Variants in SLC2A13 observed in about 807,000 individuals in gnomAD.
SLC2A13 encodes proton myo-inositol cotransporter.
Under a neutral mutation model 64.4 loss-of-function variants are expected in SLC2A13, and 32 were observed. The observed-to-expected ratio is 0.50, with a 90% CI of 0.37 to 0.67. The LOEUF is 0.67. SLC2A13 is among the 30% of genes least tolerant of loss of function. SLC2A13 has a pLI of 0.00. For missense variants in SLC2A13, 743 were observed against 829.2 expected, an observed-to-expected ratio of 0.90 and a Z score of 1.28; for synonymous variants, 338 against 327.1, an observed-to-expected ratio of 1.03 and a Z score of -0.36.
chr12:39,791,233 A>T (rs550278322), intron 7 of SLC2A13, among the ~76,000 whole-genome samples: 1 of 147,774 alleles, frequency 6.8e-6, no homozygotes, highest in Admixed American at 6.8e-5. Context: ...TCAAAATAAT[A>T]AGAGCTATCT....
intron 4 of SLC2A13, among the ~76,000 whole-genome samples, chr12:39,896,475 T>C (rs559829038): frequency 3.4e-5 from 5 of 146,238 alleles, no homozygotes; most frequent in Non-Finnish European, 6.0e-5. Flanking sequence ...TACATATATG[T>C]ATATGTGTAT....
chr12:40,056,928 C>T (rs1592045858), intron 1 of SLC2A13, among the ~76,000 whole-genome samples: 4 of 151,618 alleles, frequency 2.6e-5, no homozygotes, highest in South Asian at 2.1e-4. Context: ...TGCAGTGAGT[C>T]GAGATCGCGC....
At chr12:39,976,170 G>A (rs1467655414) in intron 3 of SLC2A13, among the ~76,000 whole-genome samples, 1 of 152,174 alleles carries the variant, frequency 6.6e-6, no homozygotes, top group African/African-American at 2.4e-5. Context: ...GCAAGTTCAA[G>A]GACATAGCTG....
chr12:39,925,894 T>C (rs761034619), intron 4 of SLC2A13, among the ~76,000 whole-genome samples: 1 of 152,176 alleles, frequency 6.6e-6, no homozygotes, highest in Non-Finnish European at 1.5e-5. Flanking sequence ...TAATATAAAA[T>C]AAACAATTTT....
At chr12:40,095,006 A>C (rs971743450) in intron 1 of SLC2A13, among the ~76,000 whole-genome samples, 1 of 152,196 alleles carries the variant, frequency 6.6e-6, no homozygotes, top group African/African-American at 2.4e-5. Context: ...GAGCCCATAG[A>C]AGCTCTCATT....
chr12:39,884,938 C>A (rs2135965977), intron 4 of SLC2A13, among the ~76,000 whole-genome samples: 1 of 152,332 alleles, frequency 6.6e-6, no homozygotes, highest in African/African-American at 2.4e-5. Flanking sequence ...ACCACAAAGA[C>A]TGTTAGTCAT....
intron 4 of SLC2A13, among the ~76,000 whole-genome samples, chr12:39,928,775 T>C (rs915119180): frequency 1.3e-5 from 2 of 152,212 alleles, no homozygotes; most frequent in Non-Finnish European, 2.9e-5. Context: ...AAGTGGTGAC[T>C]GGCTTAACAC....
At chr12:39,932,802 C>G (rs1219108674) in intron 4 of SLC2A13, among the ~76,000 whole-genome samples, 7 of 140,722 alleles carry the variant, frequency 5.0e-5, no homozygotes, top group Admixed American at 3.0e-4. Context: ...AAGTTGAGAA[C>G]AAATCTGGAG....
intron 7 of SLC2A13, among the ~76,000 whole-genome samples, chr12:39,811,357 T>C (rs1942152223): frequency 6.6e-6 from 1 of 152,102 alleles, no homozygotes; most frequent in Non-Finnish European, 1.5e-5. Context: ...CTTTGGGTTT[T>C]ACTTGCTCTT....
At chr12:39,919,658 G>A (rs555275609) in intron 4 of SLC2A13, among the ~76,000 whole-genome samples, 1 of 152,086 alleles carries the variant, frequency 6.6e-6, no homozygotes, top group East Asian at 1.9e-4. Context: ...GGTTCAAAGG[G>A]CTTGGATGGA....
At chr12:39,796,989 G>A (rs561253478) in intron 7 of SLC2A13, among the ~76,000 whole-genome samples, 1 of 152,222 alleles carries the variant, frequency 6.6e-6, no homozygotes, top group African/African-American at 2.4e-5. Flanking sequence ...TTTGTTTTAT[G>A]TTCGACATCA....
At chr12:40,062,336 T>C (rs1948435941) in intron 1 of SLC2A13, among the ~76,000 whole-genome samples, 2 of 151,402 alleles carry the variant, frequency 1.3e-5, no homozygotes, top group South Asian at 4.2e-4. Flanking sequence ...AGATTATTAT[T>C]CATGAAAAAA....
At chr12:39,896,467 CAT>C (rs1944898066) in intron 4 of SLC2A13, among the ~76,000 whole-genome samples, 4 of 124,068 alleles carry the variant, frequency 3.2e-5, no homozygotes, top group African/African-American at 1.2e-4. Flanking sequence ...TATATGTATA[CAT>C]ATATGTATAT....
chr12:39,821,466 A>G (rs1188286696), intron 7 of SLC2A13, among the ~76,000 whole-genome samples: 2 of 152,106 alleles, frequency 1.3e-5, no homozygotes, highest in African/African-American at 2.4e-5. Flanking sequence ...GTATCTTGCT[A>G]TATCAGTCAG....
intron 3 of SLC2A13, among the ~76,000 whole-genome samples, chr12:40,023,047 T>C (rs1029464470): frequency 6.6e-6 from 1 of 152,202 alleles, no homozygotes; most frequent in Non-Finnish European, 1.5e-5. Context: ...CTTCCTTTAC[T>C]CAATCTGTCA....
chr12:40,012,217 A>G (rs1008195867), intron 3 of SLC2A13, among the ~76,000 whole-genome samples: 3 of 152,380 alleles, frequency 2.0e-5, no homozygotes, highest in African/African-American at 7.2e-5. Context: ...AATTAGATTG[A>G]CAGTTCCAAT....
intron 4 of SLC2A13, among the ~76,000 whole-genome samples, chr12:39,910,365 A>T (rs4405389): frequency 0.98 from 149,034 of 152,232 alleles, 73,049 homozygotes; most frequent in East Asian, 1. Context: ...CTATGTGGTA[A>T]AGTTAATACT....
intron 7 of SLC2A13, among the ~76,000 whole-genome samples, chr12:39,825,080 C>A (rs1942632047): frequency 6.6e-6 from 1 of 152,086 alleles, no homozygotes. Context: ...ATACGGTAAA[C>A]AATGAATTGC....
chr12:39,829,420 T>TTTTTTTTG (rs1942793094), intron 7 of SLC2A13: 1 of 124,708 alleles, frequency 8.0e-6, no homozygotes, highest in African/African-American at 3.1e-5. Context: ...TTTTTTCTTT[T>TTTTTTTTG]TTTTGAGGCA....
Sources: gnomAD v4.1 joint callset for allele counts (sites outside exome capture counted in the v4.1 genomes callset) on GRCh38, gnomAD v4.1.1 for gene constraint, MANE v1.5 for transcripts, NCBI Gene and HGNC (gene_info 2026-07-23, HGNC 2026-07-21) for gene names.